CCDC7: variants seen among roughly 807,000 people sequenced by gnomAD.
CCDC7 encodes the protein coiled-coil domain containing 7.
CCDC7 carries 183 observed loss-of-function variants against 196.9 expected under a neutral mutation model. The ratio of observed to expected loss-of-function variants is 0.93; its 90% CI spans 0.82 to 1.05. CCDC7 has a LOEUF of 1.05. Among genes scored for constraint, CCDC7 ranks in the 50% least tolerant of loss-of-function variants. The pLI is 0.00. For synonymous variants in CCDC7, 525 were observed against 484.6 expected (o/e 1.08, Z -1.10); for missense variants, 1,540 against 1,482.2 (o/e 1.04, Z -0.64).
At chr10:32,453,146 A>G (rs1405773694) in intron 1 of CCDC7, among the ~76,000 whole-genome samples, 198 bp from the exon 3 acceptor site, 1 of 152,190 alleles carries the variant, frequency 6.6e-6, no homozygotes, top group African/African-American at 2.4e-5. Flanking sequence ...GCTAGGGAGT[A>G]GGGTTAAGGA....
intron 16 of CCDC7, among the ~76,000 whole-genome samples, chr10:32,577,062 A>G (rs1384975173): frequency 5.9e-5 from 9 of 152,132 alleles, no homozygotes; most frequent in African/African-American, 1.9e-4. Flanking sequence ...TCAGAAAAGC[A>G]TGTGTAAAGA....
chr10:32,568,744 G>T (rs999127298), intron 15 of CCDC7, among the ~76,000 whole-genome samples: 1 of 152,084 alleles, frequency 6.6e-6, no homozygotes, highest in Non-Finnish European at 1.5e-5. Context: ...GTGTATACGG[G>T]CTAGTCATTT....
rs575578658 is a variant in CCDC7 at position 32,639,157 on chromosome 10, A to G, written c.2014+3999A>G. 1.8e-3 allele frequency among the ~76,000 whole-genome samples: 281 copies of G among 151,902 alleles called. 2 individuals carry two copies. Among genetic ancestry groups the G allele is most frequent in the Non-Finnish European group, 3.2e-3 (219 of 67,958 alleles). On this transcript the variant is annotated intron_variant, in intron 20 of 41. Transcript: ENST00000639629. Reference sequence around the variant, plus strand: ...TTAGTCTTGCTCTAGCGGTCTATCAATTTTGTTGATCTTTTCAAAAAACCA... The same window carrying G: ...TTAGTCTTGCTCTAGCGGTCTATCAGTTTTGTTGATCTTTTCAAAAAACCA...
intron 32 of CCDC7, among the ~76,000 whole-genome samples, chr10:32,827,445 G>A (rs955379059): frequency 6.6e-6 from 1 of 152,184 alleles, no homozygotes; most frequent in Non-Finnish European, 1.5e-5. Context: ...TGCCTATCTT[G>A]CATGCAATGC....
At chr10:32,659,540 T>G (rs926901345) in intron 20 of CCDC7, among the ~76,000 whole-genome samples, 2 of 152,224 alleles carry the variant, frequency 1.3e-5, no homozygotes, top group African/African-American at 4.8e-5. Context: ...AGTTACACAT[T>G]TTTTGTTTCA....
chr10:32,792,937 A>G (rs1037607686), intron 29 of CCDC7, among the ~76,000 whole-genome samples: 4 of 152,240 alleles, frequency 2.6e-5, no homozygotes, highest in Non-Finnish European at 5.9e-5. Flanking sequence ...AGGGCAAAAG[A>G]TCTACAAAAT....
At chr10:32,653,543 G>A (rs1010559191) in intron 20 of CCDC7, among the ~76,000 whole-genome samples, 5 of 152,152 alleles carry the variant, frequency 3.3e-5, no homozygotes, top group Admixed American at 6.5e-5. Flanking sequence ...TTTAGTTCTT[G>A]TGAAGGTGTA....
At chr10:32,841,601 T>TGTGAACAATGTGAAC (rs2092974874) in intron 33 of CCDC7, among the ~76,000 whole-genome samples, 1 of 151,886 alleles carries the variant, frequency 6.6e-6, no homozygotes, top group African/African-American at 2.4e-5. Flanking sequence ...TTCACAGAAC[T>TGTGAACAATGTGAAC]AGAAAAAACA....
At chr10:32,598,239 C>A (rs562764384) in intron 18 of CCDC7, among the ~76,000 whole-genome samples, 1 of 152,266 alleles carries the variant, frequency 6.6e-6, no homozygotes, top group Admixed American at 6.5e-5. Context: ...TGTCGCCTTG[C>A]AGTTTGATCT....
intron 17 of CCDC7, 43 bp downstream of exon 18, chr10:32,583,350 G>A: frequency 2.6e-6 from 3 of 1,139,858 alleles, no homozygotes; most frequent in East Asian, 3.2e-5. Flanking sequence ...ATTTCATATT[G>A]CTCCTTCAAT....
chr10:32,682,355 T>C (rs1294816330), intron 21 of CCDC7, among the ~76,000 whole-genome samples: 1 of 152,212 alleles, frequency 6.6e-6, no homozygotes, highest in Non-Finnish European at 1.5e-5. Context: ...AAGGATACAA[T>C]TTATGGTGTA....
chr10:32,843,500 A>G (rs1209814645), intron 33 of CCDC7, among the ~76,000 whole-genome samples: 1 of 152,078 alleles, frequency 6.6e-6, no homozygotes, highest in Non-Finnish European at 1.5e-5. Context: ...ATAGGCATAT[A>G]GCATGGTATG....
At chr10:32,568,023 T>TGAGA in intron 15 of CCDC7, 132 bp downstream of exon 16, 1 of 1,017,582 alleles carries the variant, frequency 9.8e-7, no homozygotes. Flanking sequence ...TTTTTTTTTT[T>TGAGA]TTGAGATGGA....
chr10:32,852,219 C>T (rs2093590114), intron 40 of CCDC7, among the ~76,000 whole-genome samples: 1 of 152,120 alleles, frequency 6.6e-6, no homozygotes, highest in Non-Finnish European at 1.5e-5. Context: ...CTGAGATAAA[C>T]TCATTTTATA....
chr10:32,663,096 C>T (rs1400040793), intron 20 of CCDC7, among the ~76,000 whole-genome samples: 3 of 151,558 alleles, frequency 2.0e-5, no homozygotes, highest in African/African-American at 7.3e-5. Flanking sequence ...GGCAAAGTGG[C>T]CATGGAAGGA....
intron 15 of CCDC7, among the ~76,000 whole-genome samples, chr10:32,571,231 A>T (rs2057517019): frequency 1.3e-5 from 2 of 151,178 alleles, no homozygotes; most frequent in Admixed American, 1.3e-4. Flanking sequence ...GTAGTCTTGA[A>T]CTCCTGACCT....
intron 9 of CCDC7, 66 bp from the exon 11 acceptor site, chr10:32,517,875 ATGTG>A: frequency 6.5e-7 from 1 of 1,531,988 alleles, no homozygotes; most frequent in Non-Finnish European, 8.8e-7. Flanking sequence ...AAAAAAGAAA[ATGTG>A]TGTGTTTCAT....
chr10:32,627,745 G>C (rs769898109), intron 18 of CCDC7, among the ~76,000 whole-genome samples: 1 of 151,730 alleles, frequency 6.6e-6, no homozygotes, highest in Non-Finnish European at 1.5e-5. Context: ...TTTGTCAAAT[G>C]CCTCTTCTGC....
intron 20 of CCDC7, among the ~76,000 whole-genome samples, chr10:32,655,413 G>T (rs2069614787): frequency 6.6e-6 from 1 of 151,876 alleles, no homozygotes; most frequent in Non-Finnish European, 1.5e-5. Flanking sequence ...TTTCATTATA[G>T]TTGTTCTAAT....
Sources: allele counts gnomAD v4.1 joint callset (sites outside exome capture counted in the v4.1 genomes callset), GRCh38; gene constraint gnomAD v4.1.1; transcripts MANE v1.5; gene names NCBI Gene and HGNC (gene_info 2026-07-23, HGNC 2026-07-21).